The following PLCL1 variants were observed in gnomAD, a reference collection of about 807,000 sequenced individuals.
PLCL1 encodes the protein inactive phospholipase C-like protein 1.
In PLCL1, 41 loss-of-function variants were observed where a neutral mutation model predicts 84.4. The ratio of observed to expected loss-of-function variants is 0.49; its 90% CI spans 0.38 to 0.63. The LOEUF (loss-of-function observed/expected upper bound fraction) is 0.63, where lower values mean the gene tolerates loss of function less well. Ranked by LOEUF, PLCL1 falls within the 30% of genes least tolerant of loss-of-function variation. The pLI is 0.00. For missense variants in PLCL1, 1,206 were observed against 1,367.8 expected, an observed-to-expected ratio of 0.88 and a Z score of 1.87; for synonymous variants, 490 against 488.3, an observed-to-expected ratio of 1.00 and a Z score of -0.05.
chr2:197,951,886 T>A (rs1279805420), intron 1 of PLCL1, among the ~76,000 whole-genome samples: 1 of 152,168 alleles, frequency 6.6e-6, no homozygotes, highest in Non-Finnish European at 1.5e-5. Flanking sequence ...TTGAGTGATT[T>A]ATTGTCTTCT....
At chr2:197,897,623 G>A (rs531539197) in intron 1 of PLCL1, among the ~76,000 whole-genome samples, 1 of 152,190 alleles carries the variant, frequency 6.6e-6, no homozygotes, top group East Asian at 1.9e-4. Context: ...ATATTTATTT[G>A]TTAATGAACA....
chr2:198,111,955 G>T (rs73984512), intron 5 of PLCL1, among the ~76,000 whole-genome samples: 3,325 of 151,968 alleles, frequency 0.022, 112 homozygotes, highest in African/African-American at 0.076. Context: ...GACAGAATAT[G>T]CCTACTGTCA....
chr2:197,805,206 C>CG lies in PLCL1; in HGVS notation c.109dup (p.Ala37GlyfsTer70). On this transcript the variant is annotated frameshift_variant, in exon 1 of 6. Coordinates refer to ENST00000428675, the MANE Select transcript of PLCL1 (RefSeq NM_006226.4). LOFTEE classifies it high-confidence loss of function. This position sits in a 1 kb window ranked among gnomAD's most constrained non-coding sequence, Gnocchi z 4.0. ...GATGCCGCCGGGGACTGCGTGACGG[C>CG]GGCCTCTGGGGGCCGGATGAGGGAC... The CG allele has an allele frequency of 7.8e-7, 1 of 1,275,174 alleles. No individual in the cohort carries two copies. Among genetic ancestry groups the CG allele is most frequent in the Non-Finnish European group, 9.9e-7 (1 of 1,012,812 alleles). 79.0% of individuals were successfully genotyped at this position (1,275,174 alleles called of 1,614,324 possible).
intron 1 of PLCL1, among the ~76,000 whole-genome samples, chr2:198,078,126 C>G (rs935221729): frequency 1.3e-5 from 2 of 152,088 alleles, no homozygotes; most frequent in African/African-American, 4.8e-5. Flanking sequence ...TCAGTTTTGT[C>G]CGTATCAAAT....
chr2:197,922,816 G>A (rs1168564028), intron 1 of PLCL1, among the ~76,000 whole-genome samples: 21 of 127,910 alleles, frequency 1.6e-4, no homozygotes, highest in South Asian at 2.7e-4. Flanking sequence ...GCGGCTGGCC[G>A]GGCAGAGGGG....
chr2:197,955,410 AATTTTTTTCTTT>A (rs1689465149), intron 1 of PLCL1, among the ~76,000 whole-genome samples: 1 of 149,284 alleles, frequency 6.7e-6, no homozygotes, highest in East Asian at 2.0e-4. Flanking sequence ...TTTTTTATCT[AATTTTTTTCTTT>A]ATTTCTTCTA....
chr2:198,126,556 C>G (rs1469916368), intron 5 of PLCL1, among the ~76,000 whole-genome samples: 2 of 152,096 alleles, frequency 1.3e-5, no homozygotes, highest in East Asian at 3.9e-4. Flanking sequence ...ATGACGTCAA[C>G]CTAGATTCCA....
At chr2:198,110,127 T>C (rs1273905942) in intron 5 of PLCL1, among the ~76,000 whole-genome samples, 2 of 151,854 alleles carry the variant, frequency 1.3e-5, no homozygotes, top group South Asian at 2.1e-4. Context: ...TCTTCAATGG[T>C]CATTCCTATT....
chr2:197,804,824 T>C lies in PLCL1; in HGVS notation c.-276T>C. 2.7e-6 allele frequency: 1 copy of C among 371,846 alleles called. No individual in the cohort carries two copies. The highest frequency in any genetic ancestry group is 4.8e-5 in the Admixed American group (1 of 20,884). 23.0% of individuals were successfully genotyped at this position (371,846 alleles called of 1,614,324 possible). A position where few individuals can be genotyped will look rare whatever the true frequency, so the allele number is the denominator to read the frequency against. ...CCTCCCTCTCTTTTTCGCCTCTCCT[T>C]CTGCCTCCCGCTCACATCGCCTCCC... On this transcript the variant is annotated 5_prime_UTR_variant, in exon 1 of 6. Transcript: ENST00000428675.
intron 1 of PLCL1, among the ~76,000 whole-genome samples, chr2:197,899,233 A>T (rs1688216605): frequency 6.6e-6 from 1 of 152,150 alleles, no homozygotes; most frequent in African/African-American, 2.4e-5. Context: ...ATATTTCATA[A>T]TTTACATATA....
chr2:198,004,939 T>C (rs572806628), intron 1 of PLCL1, among the ~76,000 whole-genome samples: 1 of 152,242 alleles, frequency 6.6e-6, no homozygotes, highest in Non-Finnish European at 1.5e-5. Context: ...AACATAAAAG[T>C]GCTTACTGCT....
chr2:198,045,739 T>G (rs1401083370), intron 1 of PLCL1, among the ~76,000 whole-genome samples: 1 of 152,188 alleles, frequency 6.6e-6, no homozygotes, highest in African/African-American at 2.4e-5. Flanking sequence ...GAGTAGACAT[T>G]TACTTAGAAA....
chr2:197,889,982 G>A (rs775307048), intron 1 of PLCL1, among the ~76,000 whole-genome samples: 4 of 152,114 alleles, frequency 2.6e-5, no homozygotes, highest in Non-Finnish European at 4.4e-5. Flanking sequence ...GCCCCAATTT[G>A]GTGATAGTAA....
chr2:198,129,973 G>C (rs960651883), intron 5 of PLCL1, among the ~76,000 whole-genome samples: 2 of 151,902 alleles, frequency 1.3e-5, no homozygotes, highest in Non-Finnish European at 2.9e-5. Flanking sequence ...CATTCTACGT[G>C]GCTAAGCACT....
chr2:198,000,315 A>T (rs926750082), intron 1 of PLCL1, among the ~76,000 whole-genome samples: 2 of 152,070 alleles, frequency 1.3e-5, no homozygotes, highest in Non-Finnish European at 1.5e-5. Context: ...GATTCAAGGG[A>T]TACATGTACA....
chr2:197,865,120 G>T (rs2105698024), intron 1 of PLCL1, among the ~76,000 whole-genome samples: 1 of 152,258 alleles, frequency 6.6e-6, no homozygotes, highest in Non-Finnish European at 1.5e-5. Context: ...CTAAGGTACA[G>T]CAAGATAAGT....
intron 1 of PLCL1, among the ~76,000 whole-genome samples, chr2:197,824,599 A>G (rs1309021880): frequency 6.6e-6 from 1 of 150,810 alleles, no homozygotes; most frequent in Non-Finnish European, 1.5e-5. Flanking sequence ...CTATAGCTCC[A>G]TTTACTCTGG....
At chr2:197,997,980 C>A (rs1000725351) in intron 1 of PLCL1, among the ~76,000 whole-genome samples, 1 of 151,960 alleles carries the variant, frequency 6.6e-6, no homozygotes, top group African/African-American at 2.4e-5. Context: ...TCAGTTATAG[C>A]CTTTATGGTA....
intron 4 of PLCL1, among the ~76,000 whole-genome samples, chr2:198,102,087 C>T (rs894841724): frequency 1.3e-5 from 2 of 151,954 alleles, no homozygotes; most frequent in East Asian, 1.9e-4. Context: ...AGTGACTTAC[C>T]CTAGGTGCCA....
Sources: allele counts gnomAD v4.1 joint callset (sites outside exome capture counted in the v4.1 genomes callset), GRCh38; gene constraint gnomAD v4.1.1; non-coding constraint Gnocchi (gnomAD v3.1); transcripts MANE v1.5; gene names NCBI Gene and HGNC (gene_info 2026-07-23, HGNC 2026-07-21).